The following IL33 variants were observed in gnomAD, a reference collection of about 807,000 sequenced individuals.
The protein encoded by IL33 is interleukin-33.
IL33 carries 37 observed loss-of-function variants against 27.3 expected under a neutral mutation model. The observed-to-expected ratio is 1.36, with a 90% CI of 1.04 to 1.78. The LOEUF is 1.78. IL33 is among the 40% of genes most tolerant of loss of function. The pLI, the probability that IL33 is intolerant of heterozygous loss-of-function variation, is 0.00. For missense variants in IL33, 406 were observed against 311.4 expected (o/e 1.30, Z -2.29); for synonymous variants, 132 against 102.9 (o/e 1.28, Z -1.71).
intron 1 of IL33, among the ~76,000 whole-genome samples, chr9:6,216,529 G>A (rs944838775): frequency 6.6e-6 from 1 of 152,122 alleles, no homozygotes. Context: ...GAGGTCAGGA[G>A]TTTGCAGCCA....
chr9:6,255,356 T>C (rs1816664030), intron 7 of IL33, among the ~76,000 whole-genome samples: 1 of 152,114 alleles, frequency 6.6e-6, no homozygotes, highest in African/African-American at 2.4e-5. Context: ...TTCCTAAACA[T>C]ATATAATCTA....
At chr9:6,229,461 T>C (rs909368217) in intron 1 of IL33, among the ~76,000 whole-genome samples, 2 of 152,212 alleles carry the variant, frequency 1.3e-5, no homozygotes, top group African/African-American at 4.8e-5. Flanking sequence ...AAAAATGCTT[T>C]ACAAAGAGCA....
chr9:6,243,654 C>T (rs902727520), intron 2 of IL33, among the ~76,000 whole-genome samples: 1 of 152,152 alleles, frequency 6.6e-6, no homozygotes, highest in African/African-American at 2.4e-5. Context: ...CGCACTTGGC[C>T]AGAAAGCATG....
intron 3 of IL33, 58 bp from the exon 4 acceptor site, chr9:6,251,082 G>A (rs1816325848): frequency 4.4e-6 from 7 of 1,584,046 alleles, no homozygotes; most frequent in Non-Finnish European, 6.0e-6. Context: ...AATCCTCAAA[G>A]GGGCATTTGT....
At chr9:6,238,823 A>C (rs1382324733) in intron 1 of IL33, among the ~76,000 whole-genome samples, 1 of 152,196 alleles carries the variant, frequency 6.6e-6, no homozygotes, top group African/African-American at 2.4e-5. Flanking sequence ...TGCTCCCTCC[A>C]CAAACCACAG....
intron 1 of IL33, among the ~76,000 whole-genome samples, chr9:6,240,174 C>G (rs887205657): frequency 6.6e-6 from 1 of 152,178 alleles, no homozygotes; most frequent in African/African-American, 2.4e-5. Context: ...TGAGTGACCA[C>G]GGCCTGTGAC....
At chr9:6,238,695 GGTTT>G (rs775988032) in intron 1 of IL33, among the ~76,000 whole-genome samples, 2 of 152,098 alleles carry the variant, frequency 1.3e-5, no homozygotes, top group African/African-American at 4.8e-5. Flanking sequence ...GGGATAATTT[GGTTT>G]GTTTGTTTGT....
chr9:6,249,302 T>C (rs1430230000), intron 2 of IL33, among the ~76,000 whole-genome samples: 3 of 150,332 alleles, frequency 2.0e-5, no homozygotes, highest in African/African-American at 7.6e-5. Flanking sequence ...ACTGGAGAAT[T>C]TTTTTAACTC....
chr9:6,242,062 T>C, intron 2 of IL33: 1 of 200,152 alleles, frequency 5.0e-6, no homozygotes, highest in South Asian at 1.5e-4. Flanking sequence ...GCCTTTTATA[T>C]CAACCACTTT....
intron 1 of IL33, among the ~76,000 whole-genome samples, chr9:6,229,828 TTA>T (rs1818838293): frequency 6.6e-6 from 1 of 152,148 alleles, no homozygotes; most frequent in Non-Finnish European, 1.5e-5. Flanking sequence ...GGATCTATTA[TTA>T]TATATATAAT....
rs1017580153 is a variant in IL33 at position 6,231,144 on chromosome 9, C to A, written c.-11-10540C>A. Among the ~76,000 whole-genome samples, 7 of 152,172 alleles carry A rather than the reference C, an allele frequency of 4.6e-5. No individual in the cohort carries two copies. In the South Asian group the frequency reaches 1.4e-3, roughly 32 times the overall value. Reference sequence around the variant, plus strand: ...GTCTCATCCCTTCCCTCTTATTGCCCTCCATCTGTTTCTCACATGATAGTC... The same window carrying A: ...GTCTCATCCCTTCCCTCTTATTGCCATCCATCTGTTTCTCACATGATAGTC... On this transcript the variant is annotated intron_variant, in intron 1 of 7. Transcript: ENST00000682010.
chr9:6,218,673 C>CCCATATATATATCT (rs1564043644), intron 1 of IL33, among the ~76,000 whole-genome samples: 6 of 130,220 alleles, frequency 4.6e-5, no homozygotes, highest in African/African-American at 1.8e-4. Context: ...TATATATATC[C>CCCATATATATATCT]CCATATATAT....
chr9:6,251,345 C>G (rs2130428395), intron 4 of IL33, 80 bp downstream of exon 4: 2 of 1,579,678 alleles, frequency 1.3e-6, no homozygotes, highest in South Asian at 1.1e-5. Context: ...CTCCAGGTAG[C>G]AGTCCCAAGT....
intron 1 of IL33, among the ~76,000 whole-genome samples, chr9:6,236,835 C>T (rs1819239894): frequency 6.6e-6 from 1 of 152,200 alleles, no homozygotes. Flanking sequence ...CGTGCCACTG[C>T]ACTCCAGCCT....
rs780907490 is a variant in IL33, at chr9:6,256,125, A to C, written c.770A>C (p.Asn257Thr). 7 of 1,613,390 alleles carry C rather than the reference A, an allele frequency of 4.3e-6. No individual in the cohort carries two copies. The East Asian group carries it at 1.3e-4, about 31-fold the overall frequency. ...CTGATTAAAGTAGACTCTTCTGAGA[A>C]TTTGTGTACTGAAAATATCTTGTTT... ...LALIKVDSSE[N>T]LCTENILFKL... The change falls in exon 8 of 8, where the codon AAT becomes ACT. Residue 257 changes from asparagine to threonine, a missense_variant. Asn to Thr is a moderately conservative substitution (Grantham distance 65). Transcript: ENST00000682010.
chr9:6,238,346 A>G (rs1406046599), intron 1 of IL33, among the ~76,000 whole-genome samples: 1 of 152,218 alleles, frequency 6.6e-6, no homozygotes, highest in Non-Finnish European at 1.5e-5. Flanking sequence ...GGAAGAAAAT[A>G]AAAGTTCATG....
intron 1 of IL33, among the ~76,000 whole-genome samples, chr9:6,219,685 G>A (rs1442215647): frequency 6.6e-6 from 1 of 152,160 alleles, no homozygotes; most frequent in Non-Finnish European, 1.5e-5. Flanking sequence ...CAAGACAGGT[G>A]TTGTGATGGG....
chr9:6,239,470 T>A (rs998637415), intron 1 of IL33, among the ~76,000 whole-genome samples: 1 of 152,180 alleles, frequency 6.6e-6, no homozygotes, highest in Admixed American at 6.5e-5. Flanking sequence ...CAGAAATTCA[T>A]GCCTTCTGCA....
chr9:6,254,315 G>A (rs750027676), intron 6 of IL33, 147 bp from the exon 7 acceptor site: 18 of 475,112 alleles, frequency 3.8e-5, no homozygotes, highest in South Asian at 3.3e-4. Context: ...TCTTGAACTT[G>A]GGTACAAATA....
Sources: allele counts gnomAD v4.1 joint callset (sites outside exome capture counted in the v4.1 genomes callset), GRCh38; gene constraint gnomAD v4.1.1; transcripts MANE v1.5; gene names NCBI Gene and HGNC (gene_info 2026-07-23, HGNC 2026-07-21).